The following ANK2 variants were observed in gnomAD, a reference collection of about 807,000 sequenced individuals.
ANK2 encodes ankyrin 2, also known as ankyrin-2.
ANK2 carries 83 observed loss-of-function variants against 360.5 expected under a neutral mutation model. The observed-to-expected ratio is 0.23, with a 90% CI of 0.19 to 0.28. The LOEUF (loss-of-function observed/expected upper bound fraction) is 0.28. Ranked by LOEUF, ANK2 falls within the 10% of genes least tolerant of loss-of-function variation. The pLI is 1.00. For missense variants in ANK2, 4,201 were observed against 4,795.7 expected, an observed-to-expected ratio of 0.88 and a Z score of 3.66; for synonymous variants, 1,740 against 1,759.5, an observed-to-expected ratio of 0.99 and a Z score of 0.28.
chr4:113,327,388 A>C (rs2153900296), intron 26 of ANK2, among the ~76,000 whole-genome samples: 1 of 152,292 alleles, frequency 6.6e-6, no homozygotes, highest in South Asian at 2.1e-4. Context: ...GTCGTTCCCA[A>C]CTGCTTTCCT....
the ANK2 span, among the ~76,000 whole-genome samples, chr4:112,724,554 CAT>C: frequency 1.4e-4 from 18 of 127,824 alleles, no homozygotes; most frequent in East Asian, 3.5e-3. Context: ...GACACACACA[CAT>C]ACACACACAC....
chr4:112,830,748 C>T (rs1171315727), intron 1 of ANK2, among the ~76,000 whole-genome samples: 1 of 152,212 alleles, frequency 6.6e-6, no homozygotes, highest in Non-Finnish European at 1.5e-5. Context: ...CTGTGGGAGC[C>T]CCTCTCTGGG....
intron 1 of ANK2, among the ~76,000 whole-genome samples, chr4:113,090,389 T>C (rs1008196976): frequency 2.6e-5 from 4 of 152,158 alleles, no homozygotes; most frequent in African/African-American, 7.2e-5. Context: ...GAAACAGATA[T>C]CCTCTTGATT....
intron 2 of ANK2, among the ~76,000 whole-genome samples, chr4:113,191,692 T>C (rs2098667374): frequency 6.6e-6 from 1 of 152,094 alleles, no homozygotes; most frequent in Non-Finnish European, 1.5e-5. Context: ...AATAATACCT[T>C]ACATTTGTTT....
chr4:113,220,493 T>A (rs116699757), intron 4 of ANK2, among the ~76,000 whole-genome samples: 4,220 of 152,310 alleles, frequency 0.028, 98 homozygotes, highest in East Asian at 0.067. Flanking sequence ...TTTGTTTTTT[T>A]AAAAAATTTA....
the ANK2 span, among the ~76,000 whole-genome samples, chr4:112,740,563 G>A: frequency 6.6e-6 from 1 of 152,034 alleles, no homozygotes; most frequent in Admixed American, 6.6e-5. Flanking sequence ...AAGTAGCTGG[G>A]TGTGGTGGCA....
intron 1 of ANK2, among the ~76,000 whole-genome samples, chr4:113,166,867 A>G (rs2097770430): frequency 1.3e-5 from 2 of 152,266 alleles, no homozygotes; most frequent in Middle Eastern, 3.4e-3. Context: ...TATTTATACA[A>G]TATATACCAA....
chr4:112,913,093 A>C (rs1002105873), intron 2 of ANK2, among the ~76,000 whole-genome samples: 3 of 152,154 alleles, frequency 2.0e-5, no homozygotes, highest in Non-Finnish European at 4.4e-5. Flanking sequence ...AAAAAAACTC[A>C]TATTAGCTCC....
chr4:112,991,615 C>CTTTTTTTT (rs1363502696), intron 2 of ANK2, among the ~76,000 whole-genome samples: 8 of 80,654 alleles, frequency 9.9e-5, no homozygotes, highest in South Asian at 4.7e-4. Context: ...TCTTTTCTTT[C>CTTTTTTTT]TTTCTTTTTT....
rs141484180 is a variant in ANK2, at chr4:112,921,590, C to T, written c.21+17076C>T. On this transcript the variant is annotated intron_variant, in intron 2 of 30. Coordinates refer to the ANK2 transcript ENST00000503271. ...CTGGGCTCAAGCTATCCTCCTGCCT[C>T]AACCTCCAGTGTATCTGGGACTATA... Among the ~76,000 whole-genome samples, 364 of 152,178 alleles carry T rather than the reference C, an allele frequency of 2.4e-3. 1 individual carries two copies. Among genetic ancestry groups the T allele is most frequent in the African/African-American group, 8.0e-3 (332 of 41,526 alleles).
At chr4:113,374,004 A>G (rs2096836965) in intron 45 of ANK2, among the ~76,000 whole-genome samples, 1 of 152,210 alleles carries the variant, frequency 6.6e-6, no homozygotes, top group Non-Finnish European at 1.5e-5. Context: ...AGCTCACTGC[A>G]ACCTCCACCT....
intron 36 of ANK2, among the ~76,000 whole-genome samples, chr4:113,348,845 G>C (rs952841204): frequency 1.3e-5 from 2 of 151,908 alleles, no homozygotes. Flanking sequence ...TTTGTAATAT[G>C]GATATCTATT....
intron 1 of ANK2, among the ~76,000 whole-genome samples, chr4:113,160,887 G>A (rs946775067): frequency 3.9e-5 from 6 of 152,214 alleles, no homozygotes; most frequent in Non-Finnish European, 7.3e-5. Context: ...GGTCAAACTT[G>A]AGGGTAGATT....
intron 23 of ANK2, among the ~76,000 whole-genome samples, chr4:113,305,062 C>T (rs961484217): frequency 1.1e-4 from 16 of 152,072 alleles, no homozygotes; most frequent in South Asian, 6.2e-4. Flanking sequence ...TAGCCTCGGC[C>T]GGGCGCGGTG....
the ANK2 span, among the ~76,000 whole-genome samples, chr4:112,808,146 C>T: frequency 6.6e-6 from 1 of 152,210 alleles, no homozygotes; most frequent in African/African-American, 2.4e-5. Flanking sequence ...ATCTACACTG[C>T]ATTAATAACA....
At chr4:112,736,411 GC>G in the ANK2 span, among the ~76,000 whole-genome samples, 1 of 150,084 alleles carries the variant, frequency 6.7e-6, no homozygotes, top group East Asian at 2.0e-4. Context: ...GTTGCTGTGA[GC>G]TGAGATTGCT....
chr4:112,818,443 G>T (rs2055984041), intron 1 of ANK2, among the ~76,000 whole-genome samples: 2 of 152,124 alleles, frequency 1.3e-5, no homozygotes, highest in African/African-American at 2.4e-5. Flanking sequence ...ATGTTCCCCA[G>T]CCCTGGTTTT....
At chr4:112,911,050 C>T (rs1212229634) in intron 2 of ANK2, among the ~76,000 whole-genome samples, 5 of 150,384 alleles carry the variant, frequency 3.3e-5, no homozygotes, top group African/African-American at 1.2e-4. Flanking sequence ...GTCCGACTCC[C>T]GGGTTCAAGC....
the ANK2 span, among the ~76,000 whole-genome samples, chr4:112,754,110 AGTATATAT>A: frequency 2.1e-3 from 136 of 63,474 alleles, no homozygotes; most frequent in African/African-American, 0.01. Flanking sequence ...AAAAAAAAAA[AGTATATAT>A]ATATATATAT....
Sources: allele counts gnomAD v4.1 joint callset (sites outside exome capture counted in the v4.1 genomes callset), GRCh38; gene constraint gnomAD v4.1.1; transcripts MANE v1.5; gene names NCBI Gene and HGNC (gene_info 2026-07-23, HGNC 2026-07-21).